PTTG1: variants seen among roughly 807,000 people sequenced by gnomAD.
PTTG1 encodes the protein PTTG1 regulator of sister chromatid separation, securin, also known as securin.
A neutral mutation model predicts 20.0 loss-of-function variants in PTTG1; 8 were observed. The observed-to-expected ratio is 0.40, with a 90% CI of 0.23 to 0.72. The LOEUF (loss-of-function observed/expected upper bound fraction) is 0.72, where lower values mean the gene tolerates loss of function less well. Among genes scored for constraint, PTTG1 ranks in the 30% least tolerant of loss-of-function variants. PTTG1 has a pLI of 0.38. For missense variants in PTTG1, 197 were observed against 236.0 expected, an observed-to-expected ratio of 0.83 and a Z score of 1.08; for synonymous variants, 79 against 87.2, an observed-to-expected ratio of 0.91 and a Z score of 0.52.
intron 1 of PTTG1, 165 bp from the exon 2 acceptor site, chr5:160,422,136 AG>A: frequency 1.7e-6 from 1 of 581,482 alleles, no homozygotes; most frequent in South Asian, 2.0e-5. Context: ...TCAGGCTGGA[AG>A]ATTTGAGAGC....
chr5:160,427,623 A>G (rs1765831316), intron 4 of PTTG1, 92 bp from the exon 5 acceptor site: 1 of 1,386,926 alleles, frequency 7.2e-7, no homozygotes, highest in Non-Finnish European at 9.9e-7. Flanking sequence ...TTTTGACCTC[A>G]TGGACCCCCT....
chr5:160,427,401 T>C (rs1765826931), intron 4 of PTTG1, among the ~76,000 whole-genome samples: 1 of 152,192 alleles, frequency 6.6e-6, no homozygotes. Flanking sequence ...ATTAATACTT[T>C]CTACTGCATA....
chr5:160,422,653 A>G, intron 2 of PTTG1, 56 bp from the exon 3 acceptor site: 1 of 1,587,660 alleles, frequency 6.3e-7, no homozygotes, highest in South Asian at 1.1e-5. Flanking sequence ...CACAGTATTT[A>G]AGTTGTACAG....
chr5:160,424,382 A>G (rs1765772014), intron 4 of PTTG1, 52 bp downstream of exon 4: 3 of 1,288,976 alleles, frequency 2.3e-6, no homozygotes, highest in East Asian at 2.3e-5. Context: ...GTTTCTTAGT[A>G]TTCAGCTCAG....
At position 160,427,716 on chromosome 5, in the gene PTTG1, CTT is replaced by C; in HGVS notation, c.374_375del (p.Phe125Ter). 1 of 1,613,834 alleles carries C rather than the reference CTT, an allele frequency of 6.2e-7. No individual in the cohort carries two copies. ...EKFFPFNPLDFESFDLPEEHQ... is the reference protein window; with the variant it reads ...EKFFPFNPLDXESFDLPEEHQ... The stretch of plus-strand genomic sequence containing the variant: ...AAAAACGCTTTCTCTCTGTAACAGA[CTT>C]TGAGAGTTTTGACCTGCCTGAAGAG... On this transcript the variant is annotated frameshift_variant and splice_region_variant, in exon 5 of 6. Transcript: ENST00000352433. LOFTEE classifies it high-confidence loss of function.
chr5:160,422,621 G>A (rs776167085), intron 2 of PTTG1, 88 bp from the exon 3 acceptor site: 5 of 1,482,074 alleles, frequency 3.4e-6, no homozygotes, highest in Non-Finnish European at 4.7e-6. Flanking sequence ...TGGGTTTGGG[G>A]GTGAGAGGTC....
intron 4 of PTTG1, 119 bp from the exon 5 acceptor site, chr5:160,427,596 T>C (rs1765830456): frequency 3.5e-6 from 4 of 1,151,468 alleles, no homozygotes; most frequent in Non-Finnish European, 4.9e-6. Context: ...AAGGTGTGAA[T>C]ATTGTCTTGA....
At chr5:160,424,157 A>G (rs1049374858) in intron 3 of PTTG1, 80 bp from the exon 4 acceptor site, 1 of 1,005,234 alleles carries the variant, frequency 9.9e-7, no homozygotes, top group Non-Finnish European at 1.5e-6. Context: ...AGAAGGCAGC[A>G]TGAAATTGAC....
At position 160,427,772 on chromosome 5, in the gene PTTG1, G is replaced by C; in HGVS notation, c.428G>C (p.Gly143Ala). 6.2e-7 allele frequency: 1 copy of C among 1,614,158 alleles called. No individual in the cohort carries two copies. The highest frequency in any genetic ancestry group is 1.1e-5 in the South Asian group (1 of 91,072). ...CAGATTGCGCACCTCCCCTTGAGTG[G>C]AGTGCCTCTCATGATCCTTGACGAG... ...EHQIAHLPLS[G>A]VPLMILDEER... is the part of the protein sequence containing the mutation. The change falls in exon 5 of 6, where the codon GGA (glycine) becomes GCA (alanine). Residue 143 changes from glycine to alanine, a missense_variant. Coordinates refer to ENST00000352433, the MANE Select transcript of PTTG1 (RefSeq NM_004219.4).
At position 160,422,976 on chromosome 5, in the gene PTTG1, C is replaced by G. The variant is rs1468740655; in HGVS notation, c.276+83C>G. Reference sequence around the variant, plus strand: ...TGACTATTGGCATCATCCTACGTAGCTTTCTTCCCTCTGAGTAGAAGGGAA... The same window carrying G: ...TGACTATTGGCATCATCCTACGTAGGTTTCTTCCCTCTGAGTAGAAGGGAA... On this transcript the variant is annotated intron_variant, in intron 3 of 5. Transcript: ENST00000352433. The G allele has an allele frequency of 2.8e-6, 4 of 1,430,756 alleles. No individual in the cohort carries two copies. In the Admixed American group the frequency reaches 5.5e-5, roughly 20 times the overall value. The allele number at this position is 1,430,756 out of a possible 1,614,324, so 88.6% of individuals were successfully genotyped here. A position where few individuals can be genotyped will look rare whatever the true frequency, so the allele number is the denominator to read the frequency against.
At chr5:160,427,599 T>C in intron 4 of PTTG1, 116 bp from the exon 5 acceptor site, 1 of 1,180,174 alleles carries the variant, frequency 8.5e-7, no homozygotes, top group South Asian at 1.5e-5. Flanking sequence ...GTGTGAATAT[T>C]GTCTTGAAAA....
intron 5 of PTTG1, 132 bp from the exon 6 acceptor site, chr5:160,428,470 A>G: frequency 1.3e-6 from 1 of 767,344 alleles, no homozygotes; most frequent in Non-Finnish European, 2.2e-6. Flanking sequence ...AAAATGTGTC[A>G]GGAGGGGATG....
chr5:160,428,719 A>G lies in PTTG1; in HGVS notation c.*38A>G. 1 of 1,550,348 alleles carries G rather than the reference A, an allele frequency of 6.5e-7. No individual in the cohort carries two copies. Among genetic ancestry groups the G allele is most frequent in the Non-Finnish European group, 8.9e-7 (1 of 1,123,104 alleles). On this transcript the variant is annotated 3_prime_UTR_variant, in exon 6 of 6. Transcript: ENST00000352433. ...TTCAGAGTTTGTGTGTATTTGTATT[A>G]ATAAAGCATTCTTTAACAGATTCTT...
intron 4 of PTTG1, among the ~76,000 whole-genome samples, chr5:160,425,575 T>A (rs1765789554): frequency 6.6e-6 from 1 of 152,250 alleles, no homozygotes; most frequent in South Asian, 2.1e-4. Context: ...TTCATTGTTT[T>A]AAATTTGTTG....
At chr5:160,427,048 A>T (rs1032443061) in intron 4 of PTTG1, among the ~76,000 whole-genome samples, 2 of 152,186 alleles carry the variant, frequency 1.3e-5, no homozygotes, top group Non-Finnish European at 2.9e-5. Flanking sequence ...TCTCAAAAAA[A>T]AAATATTCAT....
rs1217375394 is a variant in PTTG1 at position 160,424,347 on chromosome 5, T to C, written c.370+17T>C. On this transcript the variant is annotated intron_variant, in intron 4 of 5. Transcript: ENST00000352433. ...ATCCTCTAGGTAGTATCTTTTGCAA[T>C]TGCGAAAAGTGCTTTTGGCCTTTAG... The C allele has an allele frequency of 6.5e-7, 1 of 1,543,138 alleles. No homozygotes were observed. Among genetic ancestry groups the C allele is most frequent in the Non-Finnish European group, 8.9e-7 (1 of 1,122,142 alleles).
chr5:160,422,288 T>A lies in PTTG1; in HGVS notation c.-11-14T>A. 6.3e-7 allele frequency: 1 copy of A among 1,578,922 alleles called. No homozygotes were observed. The highest frequency in any genetic ancestry group is 8.7e-7 in the Non-Finnish European group (1 of 1,147,988). On this transcript the variant is annotated splice_polypyrimidine_tract_variant and intron_variant, in intron 1 of 5. Coordinates refer to ENST00000352433, the MANE Select transcript of PTTG1 (RefSeq NM_004219.4). ...CACCTTCCCCAATATCTAATATGTA[T>A]TTCTCATTCTTAGAATAATCCAGAA...
Position 160,428,583 on chromosome 5 carries a change from A to C in PTTG1, c.530-19A>C. 2.5e-6 allele frequency: 4 copies of C among 1,608,036 alleles called. No homozygotes were observed. The highest frequency in any genetic ancestry group is 1.1e-5 in the South Asian group (1 of 90,854). On this transcript the variant is annotated intron_variant, in intron 5 of 5. Coordinates refer to ENST00000352433, the MANE Select transcript of PTTG1 (RefSeq NM_004219.4). ...TCAAGGATTTGCAGAAATTTTAATA[A>C]GAGATTCCTGTTTTCTAGATCTGTT...
chr5:160,423,245 A>G (rs924687089), intron 3 of PTTG1, among the ~76,000 whole-genome samples: 1 of 152,168 alleles, frequency 6.6e-6, no homozygotes, highest in African/African-American at 2.4e-5. Context: ...ATACATACTG[A>G]GAGAGAGGGT....
Sources: allele counts gnomAD v4.1 joint callset (sites outside exome capture counted in the v4.1 genomes callset), GRCh38; gene constraint gnomAD v4.1.1; transcripts MANE v1.5; gene names NCBI Gene and HGNC (gene_info 2026-07-23, HGNC 2026-07-21).